Variants in UNC5C observed in about 807,000 individuals in gnomAD.
UNC5C encodes the protein netrin receptor UNC5C.
Under a neutral mutation model 99.8 loss-of-function variants are expected in UNC5C, and 47 were observed. The observed-to-expected ratio is 0.47, with a 90% CI of 0.37 to 0.60. The LOEUF (loss-of-function observed/expected upper bound fraction) is 0.60, where lower values mean the gene tolerates loss of function less well. Among genes scored for constraint, UNC5C ranks in the 20% least tolerant of loss-of-function variants. The pLI is 0.00. For synonymous variants in UNC5C, 487 were observed against 452.2 expected, an observed-to-expected ratio of 1.08 and a Z score of -0.98; for missense variants, 1,062 against 1,165.9, an observed-to-expected ratio of 0.91 and a Z score of 1.30.
At chr4:95,302,974 A>C (rs1188523936) in intron 2 of UNC5C, among the ~76,000 whole-genome samples, 1 of 152,170 alleles carries the variant, frequency 6.6e-6, no homozygotes, top group Non-Finnish European at 1.5e-5. Context: ...AGGGAACCCA[A>C]TCTAGTGTGA....
At chr4:95,319,437 C>T (rs1023229928) in intron 2 of UNC5C, among the ~76,000 whole-genome samples, 2 of 152,190 alleles carry the variant, frequency 1.3e-5, no homozygotes, top group African/African-American at 4.8e-5. Context: ...GAGTCCAAGG[C>T]TCCGTCATCA....
At chr4:95,275,375 C>T (rs1040600026) in intron 4 of UNC5C, among the ~76,000 whole-genome samples, 1 of 152,112 alleles carries the variant, frequency 6.6e-6, no homozygotes, top group African/African-American at 2.4e-5. Flanking sequence ...TTCTTGAGTG[C>T]TTTTGACATG....
At chr4:95,482,936 C>A (rs1392878351) in intron 1 of UNC5C, among the ~76,000 whole-genome samples, 2 of 138,926 alleles carry the variant, frequency 1.4e-5, no homozygotes, top group Non-Finnish European at 3.1e-5. Flanking sequence ...GTGCAGCACA[C>A]CAGCATGGCA....
intron 1 of UNC5C, among the ~76,000 whole-genome samples, chr4:95,386,663 C>T (rs1305616033): frequency 6.6e-6 from 1 of 152,162 alleles, no homozygotes; most frequent in Non-Finnish European, 1.5e-5. Context: ...CTGATGGTCT[C>T]TAACCAGTTC....
chr4:95,229,219 G>T (rs992790209), intron 7 of UNC5C, among the ~76,000 whole-genome samples: 1 of 152,094 alleles, frequency 6.6e-6, no homozygotes, highest in Non-Finnish European at 1.5e-5. Context: ...ATGGTGGTTT[G>T]CTGCACCCAT....
chr4:95,484,212 A>T (rs1009823932), intron 1 of UNC5C, among the ~76,000 whole-genome samples: 17 of 151,868 alleles, frequency 1.1e-4, no homozygotes. Context: ...TGTGCTTCAT[A>T]ATAAGGACAC....
At chr4:95,508,560 T>C (rs1330797277) in intron 1 of UNC5C, among the ~76,000 whole-genome samples, 2 of 151,956 alleles carry the variant, frequency 1.3e-5, no homozygotes, top group African/African-American at 4.8e-5. Flanking sequence ...TGAAATTATG[T>C]TTTTATTCAT....
At chr4:95,406,103 T>C (rs1387496241) in intron 1 of UNC5C, among the ~76,000 whole-genome samples, 1 of 152,194 alleles carries the variant, frequency 6.6e-6, no homozygotes, top group East Asian at 1.9e-4. Flanking sequence ...TTGAGATCAC[T>C]GCTTTAATGT....
intron 1 of UNC5C, among the ~76,000 whole-genome samples, chr4:95,404,433 T>C (rs761248048): frequency 1.3e-5 from 2 of 152,140 alleles, no homozygotes; most frequent in Non-Finnish European, 2.9e-5. Context: ...GCCATAATGA[T>C]ATGCAATGAA....
chr4:95,181,482 C>T (rs1182138807), intron 14 of UNC5C, among the ~76,000 whole-genome samples: 2 of 152,088 alleles, frequency 1.3e-5, no homozygotes, highest in Non-Finnish European at 2.9e-5. Flanking sequence ...CCCCTCACCC[C>T]CCTCCAAAAT....
intron 3 of UNC5C, among the ~76,000 whole-genome samples, chr4:95,288,055 C>T (rs1025346698): frequency 2.3e-5 from 2 of 86,494 alleles, no homozygotes; most frequent in African/African-American, 5.0e-5. Flanking sequence ...AACCCCCTCA[C>T]TTTACAGATT....
At chr4:95,183,921 T>C (rs1028653233) in intron 13 of UNC5C, among the ~76,000 whole-genome samples, 2 of 152,166 alleles carry the variant, frequency 1.3e-5, no homozygotes, top group Admixed American at 6.5e-5. Flanking sequence ...GCTAAACCAA[T>C]GTATGAAGAG....
intron 3 of UNC5C, 35 bp downstream of exon 3, chr4:95,301,569 TTC>T: frequency 1.2e-6 from 2 of 1,612,706 alleles, no homozygotes; most frequent in Non-Finnish European, 1.7e-6. Context: ...GTGTATCAAC[TTC>T]TGAGACCCAA....
chr4:95,191,722 C>T (rs187846445), intron 12 of UNC5C, among the ~76,000 whole-genome samples: 457 of 150,002 alleles, frequency 3.0e-3, no homozygotes, highest in Non-Finnish European at 4.5e-3. Flanking sequence ...CTTCCCTGCT[C>T]ACCTCCTCCC....
chr4:95,223,307 A>C (rs896982333), intron 7 of UNC5C, among the ~76,000 whole-genome samples: 4 of 152,242 alleles, frequency 2.6e-5, no homozygotes, highest in Non-Finnish European at 4.4e-5. Context: ...AATAAAATGA[A>C]GATGACTAAG....
chr4:95,253,222 G>A (rs1739808353), intron 4 of UNC5C, among the ~76,000 whole-genome samples: 1 of 152,096 alleles, frequency 6.6e-6, no homozygotes, highest in African/African-American at 2.4e-5. Context: ...AGAACCCATA[G>A]CTATTCAAAA....
chr4:95,450,807 T>C (rs1011686059), intron 1 of UNC5C, among the ~76,000 whole-genome samples: 2 of 152,200 alleles, frequency 1.3e-5, no homozygotes, highest in Non-Finnish European at 2.9e-5. Flanking sequence ...GCTTAAGTAA[T>C]GTCTTAAATC....
chr4:95,186,912 G>T lies in UNC5C; in HGVS notation c.2137-1716C>A, dbSNP rs1736854827. 2.0e-5 allele frequency among the ~76,000 whole-genome samples: 3 copies of T among 151,988 alleles called. No individual in the cohort carries two copies. In the South Asian group the frequency reaches 6.2e-4, roughly 32 times the overall value. The stretch of plus-strand genomic sequence containing the variant: ...GTGCCTGAGCTCAGCAGGCTCCGAG[G>T]GTCTCCCGTAGGCCATACAGACCCA... On this transcript the variant is annotated intron_variant, in intron 12 of 15. Coordinates refer to ENST00000453304, the MANE Select transcript of UNC5C (RefSeq NM_003728.4).
chr4:95,242,439 A>G lies in UNC5C; in HGVS notation c.1098T>C (p.Leu366=), dbSNP rs1298018766. The change falls in exon 7 of 16, where the codon CTT becomes CTC. Residue 366 remains leucine, a synonymous_variant. Transcript: ENST00000453304. ...CTTAAATTGACTTACTCTGCATGCA[A>G]AGCCCATCAGTGCAGTTCTTGGATT... ...VLQSKNCTDG[L]CMQTAPDSDD... is the part of the protein sequence containing the mutation. 6.2e-7 allele frequency: 1 copy of G among 1,614,110 alleles called. No homozygotes were observed. The highest frequency in any genetic ancestry group is 8.5e-7 in the Non-Finnish European group (1 of 1,179,988).
Sources: gnomAD v4.1 joint callset for allele counts (sites outside exome capture counted in the v4.1 genomes callset) on GRCh38, gnomAD v4.1.1 for gene constraint, MANE v1.5 for transcripts, NCBI Gene and HGNC (gene_info 2026-07-23, HGNC 2026-07-21) for gene names.